The following GALNT15 variants were observed in gnomAD, a reference collection of about 807,000 sequenced individuals.
GALNT15 encodes the protein polypeptide N-acetylgalactosaminyltransferase 15.
In GALNT15, 67 loss-of-function variants were observed where a neutral mutation model predicts 66.8. That is an observed-to-expected ratio of 1.00 (90% CI 0.82 to 1.23). The LOEUF is 1.23. Ranked by LOEUF, GALNT15 falls within the 50% of genes most tolerant of loss-of-function variation. The pLI is 0.00. For synonymous variants in GALNT15, 313 were observed against 311.5 expected (o/e 1.00, Z -0.05); for missense variants, 827 against 804.3 (o/e 1.03, Z -0.34).
chr3:16,187,592 T>G lies in GALNT15; in HGVS notation c.540-8168T>G, dbSNP rs148779161. 2.5e-3 allele frequency among the ~76,000 whole-genome samples: 379 copies of G among 152,308 alleles called. No individual in the cohort carries two copies. The highest frequency in any genetic ancestry group is 8.7e-3 in the African/African-American group (360 of 41,580). ...CTTGGGAATTCTCGAATGTCACTTC[T>G]AGTACATTCTATTGGTCTAAGGAAG... On this transcript the variant is annotated intron_variant, in intron 1 of 9. Transcript: ENST00000339732. The surrounding 1 kb of genome is among the most constrained non-coding windows in gnomAD (Gnocchi z 5.1).
In GALNT15 at chr3:16,191,908, A is replaced by T. The variant is rs1257368013; in HGVS notation, c.540-3852A>T. ...TTAAAGATAGCTATAATTTGCAAAG[A>T]TGATCATAAATATAACATTCATACT... On this transcript the variant is annotated intron_variant, in intron 1 of 9. Coordinates refer to ENST00000339732, the MANE Select transcript of GALNT15 (RefSeq NM_054110.5). The surrounding 1 kb of genome is among the most constrained non-coding windows in gnomAD (Gnocchi z 5.2). Among the ~76,000 whole-genome samples, 1 of 152,246 alleles carries T rather than the reference A, an allele frequency of 6.6e-6. No individual in the cohort carries two copies. Among genetic ancestry groups the T allele is most frequent in the Non-Finnish European group, 1.5e-5 (1 of 68,046 alleles).
In GALNT15 at chr3:16,204,489, G is replaced by A. The variant is rs1653721043; in HGVS notation, c.911+3666G>A. Among the ~76,000 whole-genome samples the A allele has an allele frequency of 6.6e-6, 1 of 152,092 alleles. No homozygotes were observed. Among genetic ancestry groups the A allele is most frequent in the Non-Finnish European group, 1.5e-5 (1 of 68,020 alleles). ...GGGCAACTGATTTTAGGGCAGCCCT[G>A]GGAGATGCTGATTGATGGCCAGTTT... On this transcript the variant is annotated intron_variant, in intron 3 of 9. Transcript: ENST00000339732. This position sits in a 1 kb window ranked among gnomAD's most constrained non-coding sequence, Gnocchi z 4.5.
In GALNT15 at chr3:16,180,501, C is replaced by T. The variant is rs2063458291; in HGVS notation, c.539+4811C>T. On this transcript the variant is annotated intron_variant, in intron 1 of 9. Transcript: ENST00000339732. The surrounding 1 kb of genome is among the most constrained non-coding windows in gnomAD (Gnocchi z 5.0). Reference sequence around the variant, plus strand: ...TCCCAAAAGTATGTGCACACCCAACCCCCCTATATTGCTTGTTAAAAAGAC... The same window carrying T: ...TCCCAAAAGTATGTGCACACCCAACTCCCCTATATTGCTTGTTAAAAAGAC... 6.6e-6 allele frequency among the ~76,000 whole-genome samples: 1 copy of T among 151,864 alleles called. No individual in the cohort carries two copies. The highest frequency in any genetic ancestry group is 2.1e-4 in the South Asian group (1 of 4,804).
At chr3:16,241,192 T>G in the GALNT15 span, among the ~76,000 whole-genome samples, 23 of 152,224 alleles carry the variant, frequency 1.5e-4, no homozygotes, top group African/African-American at 5.5e-4. The surrounding 1 kb of genome is among the most constrained non-coding windows in gnomAD (Gnocchi z 4.6). Context: ...CTCTGGACTT[T>G]AAACAAATTT....
chr3:16,209,639 G>A lies in GALNT15; in HGVS notation c.1079+969G>A, dbSNP rs1054087720. Among the ~76,000 whole-genome samples, 5 of 152,130 alleles carry A rather than the reference G, an allele frequency of 3.3e-5. No homozygotes were observed. The highest frequency in any genetic ancestry group is 3.4e-3 in the Middle Eastern group (1 of 294). On this transcript the variant is annotated intron_variant, in intron 4 of 9. Transcript: ENST00000339732. The surrounding 1 kb of genome is among the most constrained non-coding windows in gnomAD (Gnocchi z 4.1). ...TCGAGACCAACCTGGCCATCATGGC[G>A]AAACCCCATCTCTACTAAAATTACA...
rs1196961381 is a variant in GALNT15, at chr3:16,186,011, A to G, written c.540-9749A>G. Among the ~76,000 whole-genome samples, 3 of 152,188 alleles carry G rather than the reference A, an allele frequency of 2.0e-5. No individual in the cohort carries two copies. The highest frequency in any genetic ancestry group is 3.8e-4 in the East Asian group (2 of 5,204). On this transcript the variant is annotated intron_variant, in intron 1 of 9. Coordinates refer to ENST00000339732, the MANE Select transcript of GALNT15 (RefSeq NM_054110.5). This position sits in a 1 kb window ranked among gnomAD's most constrained non-coding sequence, Gnocchi z 5.1. Reference sequence around the variant, plus strand: ...ATGTCATCAAGAAAGTGAAAAGACAATCCAAGAGTAGAAGAAAATGTTTGT... The same window carrying G: ...ATGTCATCAAGAAAGTGAAAAGACAGTCCAAGAGTAGAAGAAAATGTTTGT...
At chr3:16,218,876 A>G (rs2063909430) in intron 6 of GALNT15, among the ~76,000 whole-genome samples, 3 of 144,640 alleles carry the variant, frequency 2.1e-5, no homozygotes, top group African/African-American at 2.6e-5. Flanking sequence ...GTACAGTAAC[A>G]CGATCTTGGC....
downstream of GALNT15, among the ~76,000 whole-genome samples, chr3:16,234,906 T>C (rs2064117160): frequency 6.6e-6 from 1 of 151,210 alleles, no homozygotes. Context: ...GGCAAGATAG[T>C]TGGTCCTTAT....
At chr3:16,205,651 C>T (rs2063748666) in intron 3 of GALNT15, among the ~76,000 whole-genome samples, 1 of 152,228 alleles carries the variant, frequency 6.6e-6, no homozygotes, top group Non-Finnish European at 1.5e-5. Flanking sequence ...GAACACCAGA[C>T]ACATCGGTAG....
At chr3:16,218,283 G>C (rs1200880925) in intron 6 of GALNT15, among the ~76,000 whole-genome samples, 2 of 152,206 alleles carry the variant, frequency 1.3e-5, no homozygotes, top group African/African-American at 2.4e-5. Context: ...CTTACTGTCA[G>C]ATTGGAGGCC....
chr3:16,214,556 CA>C (rs1479376467), intron 6 of GALNT15, among the ~76,000 whole-genome samples: 1 of 152,030 alleles, frequency 6.6e-6, no homozygotes, highest in African/African-American at 2.4e-5. Context: ...TACTAATGGT[CA>C]AAAAAGGTCA....
Position 16,228,303 on chromosome 3 carries a change from C to A in GALNT15, c.*803C>A. 1.0e-6 allele frequency: 1 copy of A among 985,824 alleles called. No homozygotes were observed. The highest frequency in any genetic ancestry group is 4.7e-5 in the South Asian group (1 of 21,288). The allele number at this position is 985,824 out of a possible 1,614,324, so 61.1% of individuals were successfully genotyped here. On this transcript the variant is annotated 3_prime_UTR_variant, in exon 10 of 10. Transcript: ENST00000339732. ...TCTTTAGTCGTTGGTGTTAGAAGTA[C>A]CAGCACAATTTGAGCATTCCCATTA...
chr3:16,212,891 C>T, intron 6 of GALNT15, 128 bp downstream of exon 6: 1 of 781,284 alleles, frequency 1.3e-6, no homozygotes, highest in Non-Finnish European at 2.0e-6. Context: ...TTCCCTCATG[C>T]TGCCCTATTT....
chr3:16,214,576 C>T (rs886425742), intron 6 of GALNT15, among the ~76,000 whole-genome samples: 2 of 152,092 alleles, frequency 1.3e-5, no homozygotes, highest in African/African-American at 4.8e-5. Context: ...CAACCAAGCA[C>T]CTGCTCTGTG....
rs113277540 is a variant in GALNT15 at position 16,230,033 on chromosome 3, A to G, written c.*2533A>G. 5.3e-4 allele frequency among the ~76,000 whole-genome samples: 81 copies of G among 152,316 alleles called. No individual in the cohort carries two copies. The highest frequency in any genetic ancestry group is 8.7e-4 in the Non-Finnish European group (59 of 68,026). On this transcript the variant is annotated 3_prime_UTR_variant, in exon 10 of 10. Coordinates refer to ENST00000339732, the MANE Select transcript of GALNT15 (RefSeq NM_054110.5). The surrounding 1 kb of genome is among the most constrained non-coding windows in gnomAD (Gnocchi z 4.5). ...CTCAGCATTCATTTTATCCATAATG[A>G]TCAATTTAAAAGTAGAGAAACTTGT...
rs1020063560 is a variant in GALNT15 at position 16,175,012 on chromosome 3, G to T, written c.-140G>T. Reference sequence around the variant, plus strand: ...GGTCTTGCACACGCTGTTGGCAAATGTCAGGACCAGGTTAAGTGACTGGCA... The same window carrying T: ...GGTCTTGCACACGCTGTTGGCAAATTTCAGGACCAGGTTAAGTGACTGGCA... On this transcript the variant is annotated 5_prime_UTR_variant, in exon 1 of 10. The change abolishes an upstream ATG in the 5' untranslated region. Coordinates refer to ENST00000339732, the MANE Select transcript of GALNT15 (RefSeq NM_054110.5). This position sits in a 1 kb window ranked among gnomAD's most constrained non-coding sequence, Gnocchi z 5.6. The T allele has an allele frequency of 1.4e-6, 1 of 719,210 alleles. No homozygotes were observed. The highest frequency in any genetic ancestry group is 1.8e-5 in the African/African-American group (1 of 56,128). The allele number at this position is 719,210 out of a possible 1,614,324, so 44.6% of individuals were successfully genotyped here.
intron 6 of GALNT15, among the ~76,000 whole-genome samples, chr3:16,213,730 GAGTT>G (rs1361459747): frequency 6.6e-6 from 1 of 152,178 alleles, no homozygotes; most frequent in Non-Finnish European, 1.5e-5. Context: ...GCTGGGGTGT[GAGTT>G]AGATGTGAGT....
At chr3:16,226,368 A>C (rs1290447965) in intron 9 of GALNT15, among the ~76,000 whole-genome samples, 9 of 152,072 alleles carry the variant, frequency 5.9e-5, no homozygotes, top group Admixed American at 5.9e-4. Flanking sequence ...TCACACTGCT[A>C]TAAAGACATA....
chr3:16,240,555 T>C, the GALNT15 span, among the ~76,000 whole-genome samples: 1 of 152,206 alleles, frequency 6.6e-6, no homozygotes, highest in Non-Finnish European at 1.5e-5. Flanking sequence ...GGACACAAAA[T>C]AGACCTATAT....
Sources: allele counts gnomAD v4.1 joint callset (sites outside exome capture counted in the v4.1 genomes callset), GRCh38; gene constraint gnomAD v4.1.1; non-coding constraint Gnocchi (gnomAD v3.1); transcripts MANE v1.5; gene names NCBI Gene and HGNC (gene_info 2026-07-23, HGNC 2026-07-21).